ANKFN1: variants seen among roughly 807,000 people sequenced by gnomAD.
ANKFN1 encodes the protein ankyrin repeat and fibronectin type III domain containing 1.
ANKFN1 carries 74 observed loss-of-function variants against 108.7 expected under a neutral mutation model. That is an observed-to-expected ratio of 0.68 (90% CI 0.56 to 0.83). ANKFN1 has a LOEUF of 0.83. Ranked by LOEUF, ANKFN1 falls within the 40% of genes least tolerant of loss-of-function variation. ANKFN1 has a pLI of 0.00. For missense variants in ANKFN1, 1,505 were observed against 1,382.3 expected (o/e 1.09, Z -1.41); for synonymous variants, 547 against 516.2 (o/e 1.06, Z -0.81).
chr17:56,412,158 A>T (rs2048111778), intron 8 of ANKFN1, among the ~76,000 whole-genome samples: 1 of 151,992 alleles, frequency 6.6e-6, no homozygotes, highest in Non-Finnish European at 1.5e-5. Context: ...CAATTTCCAT[A>T]CTCATTTTTG....
intron 3 of ANKFN1, among the ~76,000 whole-genome samples, chr17:56,315,952 A>C (rs1217855459): frequency 6.6e-6 from 1 of 152,178 alleles, no homozygotes; most frequent in Non-Finnish European, 1.5e-5. Context: ...AACCTCTTCA[A>C]CTTTCTTTTT....
At chr17:56,051,187 A>G (rs1189663857) in intron 4 of ANKFN1, among the ~76,000 whole-genome samples, 10 of 70,514 alleles carry the variant, frequency 1.4e-4, no homozygotes, top group South Asian at 5.8e-4. Context: ...CTGGCAAACC[A>G]AATCCAGCAG....
intron 3 of ANKFN1, among the ~76,000 whole-genome samples, chr17:56,232,442 C>G (rs953134886): frequency 6.6e-6 from 1 of 152,136 alleles, no homozygotes; most frequent in Non-Finnish European, 1.5e-5. Flanking sequence ...GATACAAAAG[C>G]TGCTACTAAA....
At position 56,459,260 on chromosome 17, in the gene ANKFN1, A is replaced by T. The variant is rs539770141; in HGVS notation, c.1557+1281A>T. 4.6e-5 allele frequency among the ~76,000 whole-genome samples: 7 copies of T among 152,158 alleles called. No homozygotes were observed. The East Asian group carries it at 1.4e-3, about 29-fold the overall frequency. On this transcript the variant is annotated intron_variant, in intron 14 of 20. Transcript: ENST00000682825. ...TGAGTAGCTAGGATCACAGGCACCC[A>T]CTACCACACCCGGCTAATTTTTGTA...
chr17:56,454,800 G>T (rs1441209971), intron 11 of ANKFN1, among the ~76,000 whole-genome samples: 1 of 152,076 alleles, frequency 6.6e-6, no homozygotes, highest in Admixed American at 6.6e-5. Flanking sequence ...TGCCCATTTG[G>T]GGTACACTGC....
At chr17:56,155,663 T>C (rs958986110) in intron 1 of ANKFN1, among the ~76,000 whole-genome samples, 1 of 151,628 alleles carries the variant, frequency 6.6e-6, no homozygotes, top group Non-Finnish European at 1.5e-5. Flanking sequence ...ATTTGGGGAG[T>C]CAGCTTGGCA....
At chr17:56,385,160 A>G (rs2047223943) in intron 8 of ANKFN1, among the ~76,000 whole-genome samples, 1 of 151,948 alleles carries the variant, frequency 6.6e-6, no homozygotes, top group East Asian at 1.9e-4. Context: ...CTCAGAAATA[A>G]TGCCACATAT....
chr17:56,346,064 T>C (rs190601979), intron 4 of ANKFN1, among the ~76,000 whole-genome samples: 1 of 152,318 alleles, frequency 6.6e-6, no homozygotes, highest in East Asian at 1.9e-4. Context: ...TTAATTTTTG[T>C]ATAAGATGTG....
At chr17:56,398,656 G>C (rs1486235647) in intron 8 of ANKFN1, among the ~76,000 whole-genome samples, 2 of 152,136 alleles carry the variant, frequency 1.3e-5, no homozygotes, top group African/African-American at 4.8e-5. Flanking sequence ...CTGGTGAAGA[G>C]ATACCCAGAG....
intron 14 of ANKFN1, among the ~76,000 whole-genome samples, chr17:56,464,240 A>G (rs1252549781): frequency 6.6e-6 from 1 of 152,232 alleles, no homozygotes; most frequent in African/African-American, 2.4e-5. Flanking sequence ...TAGAAAACCT[A>G]TCTACAGCTG....
chr17:56,433,692 G>T (rs190619019), intron 8 of ANKFN1, among the ~76,000 whole-genome samples: 1 of 152,116 alleles, frequency 6.6e-6, no homozygotes, highest in Non-Finnish European at 1.5e-5. Flanking sequence ...GGGCGGGAAG[G>T]GGGTGAGGGA....
At chr17:56,375,521 T>A (rs2046923316) in intron 8 of ANKFN1, among the ~76,000 whole-genome samples, 1 of 152,170 alleles carries the variant, frequency 6.6e-6, no homozygotes. Context: ...CTTTATGTGA[T>A]GAATTCAGCA....
rs202129835 is a variant in ANKFN1 at position 56,240,194 on chromosome 17, C to CA, written c.53+12244dup. On this transcript the variant is annotated intron_variant, in intron 3 of 20. Coordinates refer to ENST00000682825, the MANE Select transcript of ANKFN1 (RefSeq NM_001370326.1). ...CTGATTCTGCTCTATCATTCTCCCACAAAAAAATCACAATCCTGTATGCTT... is the reference window on the plus strand; with the variant it reads ...CTGATTCTGCTCTATCATTCTCCCACAAAAAAAATCACAATCCTGTATGCTT... Among the ~76,000 whole-genome samples, 1,296 of 152,024 alleles carry CA rather than the reference C, an allele frequency of 8.5e-3. 15 individuals are homozygous for CA. The highest frequency in any genetic ancestry group is 0.03 in the African/African-American group (1,239 of 41,486).
Position 56,103,176 on chromosome 17 carries a change from C to G in ANKFN1, c.288+56851C>G, listed in dbSNP as rs570690851. Among the ~76,000 whole-genome samples, 15 of 152,226 alleles carry G rather than the reference C, an allele frequency of 9.9e-5. No homozygotes were observed. The East Asian group carries it at 2.3e-3, about 24-fold the overall frequency. On this transcript the variant is annotated intron_variant, in intron 4 of 12. Transcript: ENST00000635860. ...ATCAGCACTGAAGGAGAGAGTGAGGCAATTCAGGTAATGAGCGACATGAAA... is the reference window on the plus strand; with the variant it reads ...ATCAGCACTGAAGGAGAGAGTGAGGGAATTCAGGTAATGAGCGACATGAAA...
chr17:56,130,105 C>T (rs1452247726), intron 4 of ANKFN1, among the ~76,000 whole-genome samples: 1 of 152,192 alleles, frequency 6.6e-6, no homozygotes, highest in South Asian at 2.1e-4. Flanking sequence ...CTAATTCGAA[C>T]AAGGCTTTAT....
chr17:56,100,490 AG>A (rs1479970997), intron 4 of ANKFN1, among the ~76,000 whole-genome samples: 1 of 152,206 alleles, frequency 6.6e-6, no homozygotes, highest in Non-Finnish European at 1.5e-5. Context: ...TAGTCATCAA[AG>A]CTACCCTGAC....
In ANKFN1 at chr17:56,353,920, C is replaced by A. The variant is rs377249117; in HGVS notation, c.475C>A (p.Pro159Thr). ...GCAGATCCTCCTGTATCAGTACACACCAGAAGAACTTGACCTCAACACACC... is the reference window on the plus strand; with the variant it reads ...GCAGATCCTCCTGTATCAGTACACAACAGAAGAACTTGACCTCAACACACC... ...AVQILLYQYT[P>T]EELDLNTPNS... Residue 159 changes from proline (P) to threonine (T), a missense_variant, in exon 6 of 21, where the codon CCA (proline) becomes ACA (threonine). Coordinates refer to ENST00000682825, the MANE Select transcript of ANKFN1 (RefSeq NM_001370326.1). 3 of 1,613,886 alleles carry A rather than the reference C, an allele frequency of 1.9e-6. No individual in the cohort carries two copies. The highest frequency in any genetic ancestry group is 2.5e-6 in the Non-Finnish European group (3 of 1,179,982).
At chr17:56,085,477 C>A (rs749591531) in intron 4 of ANKFN1, among the ~76,000 whole-genome samples, 2 of 150,994 alleles carry the variant, frequency 1.3e-5, no homozygotes, top group Admixed American at 1.3e-4. Context: ...TCCTCTGGAG[C>A]CTTCTGAGAG....
chr17:56,387,072 A>T (rs147590899), intron 8 of ANKFN1, among the ~76,000 whole-genome samples: 1 of 152,016 alleles, frequency 6.6e-6, no homozygotes, highest in Non-Finnish European at 1.5e-5. Flanking sequence ...ATTGTTGAAC[A>T]TTTGACTATT....
Sources: allele counts gnomAD v4.1 joint callset (sites outside exome capture counted in the v4.1 genomes callset), GRCh38; gene constraint gnomAD v4.1.1; transcripts MANE v1.5; gene names NCBI Gene and HGNC (gene_info 2026-07-23, HGNC 2026-07-21).